PLCXD3: variants seen among roughly 807,000 people sequenced by gnomAD.
PLCXD3 encodes phosphatidylinositol specific phospholipase C X domain containing 3, also known as PI-PLC X domain-containing protein 3.
PLCXD3 carries 19 observed loss-of-function variants against 25.5 expected under a neutral mutation model. That is an observed-to-expected ratio of 0.75 (90% CI 0.52 to 1.09). The LOEUF is 1.09. Among genes scored for constraint, PLCXD3 ranks in the 50% least tolerant of loss-of-function variants. The pLI is 0.00. For missense variants in PLCXD3, 411 were observed against 388.1 expected (o/e 1.06, Z -0.50); for synonymous variants, 174 against 137.6 (o/e 1.26, Z -1.85).
intron 2 of PLCXD3, among the ~76,000 whole-genome samples, chr5:41,347,852 G>C (rs564017145): frequency 1.3e-5 from 2 of 149,236 alleles, no homozygotes; most frequent in Non-Finnish European, 1.5e-5. Flanking sequence ...CAGGTAACTG[G>C]GCAATAAAAA....
chr5:41,437,595 G>T (rs1365379458), intron 1 of PLCXD3, among the ~76,000 whole-genome samples: 2 of 152,146 alleles, frequency 1.3e-5, no homozygotes, highest in African/African-American at 4.8e-5. Context: ...AAGTAGGAAG[G>T]AGCTTGGCAA....
At chr5:41,318,394 G>A (rs1484698662) in intron 2 of PLCXD3, among the ~76,000 whole-genome samples, 2 of 151,972 alleles carry the variant, frequency 1.3e-5, no homozygotes, top group African/African-American at 4.8e-5. Context: ...AAATTTCAAG[G>A]CACAGTCAGT....
At chr5:41,421,229 G>A (rs1389377974) in intron 1 of PLCXD3, among the ~76,000 whole-genome samples, 1 of 152,118 alleles carries the variant, frequency 6.6e-6, no homozygotes. Flanking sequence ...TTGTGCAACA[G>A]TTTTATAAAA....
At chr5:41,329,358 T>C (rs1490858180) in intron 2 of PLCXD3, among the ~76,000 whole-genome samples, 1 of 152,178 alleles carries the variant, frequency 6.6e-6, no homozygotes, top group African/African-American at 2.4e-5. Flanking sequence ...TTGAGGGCTG[T>C]TTTCCTACTG....
chr5:41,431,823 C>T (rs1747115949), intron 1 of PLCXD3, among the ~76,000 whole-genome samples: 1 of 152,068 alleles, frequency 6.6e-6, no homozygotes, highest in Non-Finnish European at 1.5e-5. Context: ...ATTCAAATCA[C>T]ACTTTATTTT....
At position 41,310,633 on chromosome 5, in the gene PLCXD3, G is replaced by A. The variant is rs7701760; in HGVS notation, c.*2984C>T. On this transcript the variant is annotated 3_prime_UTR_variant, in exon 3 of 3. Coordinates refer to ENST00000377801, the MANE Select transcript of PLCXD3 (RefSeq NM_001005473.3). ...AAGGCCCGCAGCCTGCTTCCCCAGTGTGCTCCAGGGCAGAACTAATGGATA... is the reference window on the plus strand; with the variant it reads ...AAGGCCCGCAGCCTGCTTCCCCAGTATGCTCCAGGGCAGAACTAATGGATA... 12,403 of 152,652 alleles carry A rather than the reference G, an allele frequency of 0.081. 772 individuals are homozygous for A. The highest frequency in any genetic ancestry group is 0.35 in the East Asian group (1,818 of 5,148). 9.5% of individuals were successfully genotyped at this position (152,652 alleles called of 1,614,324 possible).
At position 41,405,386 on chromosome 5, in the gene PLCXD3, A is replaced by G. The variant is rs374057160; in HGVS notation, c.104-22852T>C. On this transcript the variant is annotated intron_variant, in intron 1 of 2. Transcript: ENST00000377801. ...TCCTTTGTACCAAAGCCTTTTACCC[A>G]TAGTTGTCTTTCTCCTGAATTCACA... Among the ~76,000 whole-genome samples the G allele has an allele frequency of 2.0e-5, 3 of 152,192 alleles. No individual in the cohort carries two copies. The East Asian group carries it at 5.8e-4, about 29-fold the overall frequency.
chr5:41,469,085 ATAG>A (rs1273787107), intron 1 of PLCXD3, among the ~76,000 whole-genome samples: 19 of 152,136 alleles, frequency 1.2e-4, no homozygotes, highest in Admixed American at 1.2e-3. Flanking sequence ...TTTATCATGA[ATAG>A]TTGTTAAATT....
chr5:41,398,201 AC>A (rs1236615407), intron 1 of PLCXD3, among the ~76,000 whole-genome samples: 1 of 152,028 alleles, frequency 6.6e-6, no homozygotes, highest in Non-Finnish European at 1.5e-5. Flanking sequence ...TTGAAATGTA[AC>A]CCCCAGTGAT....
At chr5:41,429,989 A>C (rs998579629) in intron 1 of PLCXD3, among the ~76,000 whole-genome samples, 1 of 152,220 alleles carries the variant, frequency 6.6e-6, no homozygotes, top group African/African-American at 2.4e-5. Context: ...CAAATGCCAA[A>C]GATGAAGCCT....
At chr5:41,318,675 GAAAAA>G (rs1235157898) in intron 2 of PLCXD3, among the ~76,000 whole-genome samples, 1 of 151,942 alleles carries the variant, frequency 6.6e-6, no homozygotes, top group African/African-American at 2.4e-5. Context: ...AGGAAGGAAA[GAAAAA>G]AGGAAGAGAA....
chr5:41,373,575 G>T (rs952179883), intron 2 of PLCXD3, among the ~76,000 whole-genome samples: 1 of 152,062 alleles, frequency 6.6e-6, no homozygotes, highest in African/African-American at 2.4e-5. Context: ...CCCAGCCCAT[G>T]GAACGGCCAG....
chr5:41,468,566 G>C (rs1408301072), intron 1 of PLCXD3, among the ~76,000 whole-genome samples: 5 of 152,070 alleles, frequency 3.3e-5, no homozygotes, highest in African/African-American at 1.2e-4. Flanking sequence ...ATGTTTTATA[G>C]TTTTCAGCAT....
chr5:41,497,087 A>T (rs1292253849), intron 1 of PLCXD3, among the ~76,000 whole-genome samples: 1 of 151,828 alleles, frequency 6.6e-6, no homozygotes, highest in African/African-American at 2.4e-5. Context: ...AAGAAAAAAA[A>T]ATCAGAGTAT....
chr5:41,482,328 C>T (rs547146889), intron 1 of PLCXD3, among the ~76,000 whole-genome samples: 1 of 152,204 alleles, frequency 6.6e-6, no homozygotes, highest in South Asian at 2.1e-4. Context: ...TGCTACCGAC[C>T]CTATCCATGA....
chr5:41,366,213 C>T (rs1359992974), intron 2 of PLCXD3, among the ~76,000 whole-genome samples: 2 of 152,058 alleles, frequency 1.3e-5, no homozygotes, highest in Non-Finnish European at 2.9e-5. Context: ...TAAGAAGAGT[C>T]ATAGCTATAC....
At chr5:41,451,356 T>G (rs1413294227) in intron 1 of PLCXD3, among the ~76,000 whole-genome samples, 1 of 152,060 alleles carries the variant, frequency 6.6e-6, no homozygotes. Context: ...AGGAATATTT[T>G]AAAAGATCTC....
chr5:41,454,051 C>T (rs138864987), intron 1 of PLCXD3, among the ~76,000 whole-genome samples: 9 of 151,914 alleles, frequency 5.9e-5, no homozygotes, highest in Non-Finnish European at 1.3e-4. Flanking sequence ...CACAAGAACA[C>T]CTCAAAACAC....
At chr5:41,391,799 C>T (rs1166150105) in intron 1 of PLCXD3, among the ~76,000 whole-genome samples, 1 of 152,088 alleles carries the variant, frequency 6.6e-6, no homozygotes, top group Non-Finnish European at 1.5e-5. Flanking sequence ...ATGGACATGC[C>T]CTGGATCAAA....
Sources: allele counts gnomAD v4.1 joint callset (sites outside exome capture counted in the v4.1 genomes callset), GRCh38; gene constraint gnomAD v4.1.1; transcripts MANE v1.5; gene names NCBI Gene and HGNC (gene_info 2026-07-23, HGNC 2026-07-21).